The following IPO7 variants were observed in gnomAD, a reference collection of about 807,000 sequenced individuals.
IPO7 encodes the protein importin 7, also known as importin-7.
IPO7 carries 13 observed loss-of-function variants against 136.4 expected under a neutral mutation model. The observed-to-expected ratio is 0.10, with a 90% CI of 0.06 to 0.15. The LOEUF (loss-of-function observed/expected upper bound fraction) is 0.15, where lower values mean the gene tolerates loss of function less well. Ranked by LOEUF, IPO7 falls within the 10% of genes least tolerant of loss-of-function variation. The pLI is 1.00. For synonymous variants in IPO7, 403 were observed against 404.4 expected, an observed-to-expected ratio of 1.00 and a Z score of 0.04; for missense variants, 857 against 1,240.6, an observed-to-expected ratio of 0.69 and a Z score of 4.65.
At chr11:9,420,815 G>A (rs1185996771) in intron 8 of IPO7, 117 bp downstream of exon 8, 1 of 668,232 alleles carries the variant, frequency 1.5e-6, no homozygotes, top group Admixed American at 2.8e-5. Context: ...CCTGTACCAG[G>A]TCTCAAACAT....
chr11:9,433,014 G>GTTTTTTTTTTTTTTTTTTTT (rs1855320735), intron 16 of IPO7: 1 of 64,984 alleles, frequency 1.5e-5, no homozygotes, highest in African/African-American at 3.9e-5. Flanking sequence ...TTGAGATGGA[G>GTTTTTTTTTTTTTTTTTTTT]TTTTGGTCTT....
At position 9,445,889 on chromosome 11, in the gene IPO7, G is replaced by C. The variant is rs1005571017; in HGVS notation, c.*695G>C. 1 of 151,360 alleles carries C rather than the reference G, an allele frequency of 6.6e-6. No individual in the cohort carries two copies. The highest frequency in any genetic ancestry group is 2.4e-5 in the African/African-American group (1 of 41,116). 9.4% of individuals were successfully genotyped at this position (151,360 alleles called of 1,614,324 possible). On this transcript the variant is annotated 3_prime_UTR_variant, in exon 25 of 25. Coordinates refer to ENST00000379719, the MANE Select transcript of IPO7 (RefSeq NM_006391.3). ...AAAGATGTAATGGGGTGGGGGGCAG[G>C]GGTAATTTCAAGTTATTAATTTAAA...
intron 1 of IPO7, among the ~76,000 whole-genome samples, chr11:9,396,531 C>G (rs1439613259): frequency 3.3e-5 from 5 of 152,168 alleles, no homozygotes; most frequent in Admixed American, 3.3e-4. Flanking sequence ...TAAAACATTT[C>G]CATCACCCCA....
At chr11:9,400,643 C>G (rs1854780302) in intron 1 of IPO7, among the ~76,000 whole-genome samples, 1 of 151,680 alleles carries the variant, frequency 6.6e-6, no homozygotes, top group South Asian at 2.1e-4. Context: ...AGGATGGTCT[C>G]GATCTCCTGA....
rs750860600 is a variant in IPO7, at chr11:9,409,908, TG to T, written c.321-19del. Reference sequence around the variant, plus strand: ...TACCTAGTTAGGATTTTTTCCTTACTGTTTTTTTTTGGCTTCCAGGGTACAG... The same window carrying T: ...TACCTAGTTAGGATTTTTTCCTTACTTTTTTTTTTGGCTTCCAGGGTACAG... On this transcript the variant is annotated intron_variant, in intron 3 of 24. Transcript: ENST00000379719. 6 of 1,495,200 alleles carry T rather than the reference TG, an allele frequency of 4.0e-6. No homozygotes were observed. The African/African-American group carries it at 7.2e-5, about 18-fold the overall frequency. 92.6% of individuals were successfully genotyped at this position (1,495,200 alleles called of 1,614,324 possible).
rs960964139 is a variant in IPO7 at position 9,446,309 on chromosome 11, G to C, written c.*1115G>C. On this transcript the variant is annotated 3_prime_UTR_variant, in exon 25 of 25. Coordinates refer to ENST00000379719, the MANE Select transcript of IPO7 (RefSeq NM_006391.3). ...CCTGTTTTTAATCCTGTGCCTAGAA[G>C]GAGTACAAAATGCACACTTTACAAA... is the stretch of plus-strand genomic sequence containing the variant. The C allele has an allele frequency of 6.6e-6, 1 of 152,094 alleles. No individual in the cohort carries two copies. The highest frequency in any genetic ancestry group is 6.5e-5 in the Admixed American group (1 of 15,272). 9.4% of individuals were successfully genotyped at this position (152,094 alleles called of 1,614,324 possible).
Position 9,420,397 on chromosome 11 carries a change from G to C in IPO7, c.727-14G>C, listed in dbSNP as rs375408610. On this transcript the variant is annotated splice_polypyrimidine_tract_variant and intron_variant, in intron 6 of 24. Coordinates refer to ENST00000379719, the MANE Select transcript of IPO7 (RefSeq NM_006391.3). ...TTGTATTATCTCTATCATTAAATAA[G>C]TGTCTTTTTAAAGGAAACACTTCAA... The C allele has an allele frequency of 1.4e-5, 21 of 1,518,892 alleles. No individual in the cohort carries two copies. Among genetic ancestry groups the C allele is most frequent in the African/African-American group, 2.7e-5 (2 of 72,810 alleles). The allele number at this position is 1,518,892 out of a possible 1,614,324, so 94.1% of individuals were successfully genotyped here.
chr11:9,387,513 A>T (rs1347452350), intron 1 of IPO7, among the ~76,000 whole-genome samples: 1 of 152,146 alleles, frequency 6.6e-6, no homozygotes, highest in African/African-American at 2.4e-5. Context: ...CTGATTTGTC[A>T]TACATATTTG....
chr11:9,396,353 G>A (rs1308546694), intron 1 of IPO7, among the ~76,000 whole-genome samples: 5 of 152,126 alleles, frequency 3.3e-5, no homozygotes, highest in African/African-American at 7.2e-5. Context: ...CCGAGATTGC[G>A]CCACTGCACT....
intron 16 of IPO7, 61 bp downstream of exon 16, chr11:9,431,064 AAT>A: frequency 1.5e-6 from 2 of 1,363,898 alleles, no homozygotes; most frequent in Non-Finnish European, 2.1e-6. Flanking sequence ...AGAGGGCTCT[AAT>A]ATCTCTCTGG....
intron 9 of IPO7, 71 bp downstream of exon 9, chr11:9,423,211 A>C: frequency 9.7e-7 from 1 of 1,033,620 alleles, no homozygotes; most frequent in East Asian, 2.6e-5. Context: ...ATAAAGGTTG[A>C]AAAATTGCAT....
In IPO7 at chr11:9,410,023, C is replaced by G; in HGVS notation, c.416C>G (p.Ser139Cys). The stretch of plus-strand genomic sequence containing the variant: ...GACAAAATTGGCTTTTATCTTCAGT[C>G]CGATAACAGTGCTTGTTGGCTAGGA... ...IVDKIGFYLQ[S>C]DNSACWLGIL... Residue 139 changes from serine (S) to cysteine (C), a missense_variant, in exon 4 of 25, where the codon TCC becomes TGC. Transcript: ENST00000379719. 1 of 1,605,544 alleles carries G rather than the reference C, an allele frequency of 6.2e-7. No individual in the cohort carries two copies. The highest frequency in any genetic ancestry group is 1.7e-5 in the Admixed American group (1 of 58,456).
At position 9,429,660 on chromosome 11, in the gene IPO7, T is replaced by C. The variant is rs1408801616; in HGVS notation, c.1592-14T>C. ...TAGGGGTTTTACGCAAGTTTTTTAC[T>C]CTTTCTCTTACAGCTAAAGAATATA... is the stretch of plus-strand genomic sequence containing the variant. On this transcript the variant is annotated splice_polypyrimidine_tract_variant and intron_variant, in intron 14 of 24. Coordinates refer to ENST00000379719, the MANE Select transcript of IPO7 (RefSeq NM_006391.3). 1 of 1,593,250 alleles carries C rather than the reference T, an allele frequency of 6.3e-7. No individual in the cohort carries two copies. Among genetic ancestry groups the C allele is most frequent in the Non-Finnish European group, 8.5e-7 (1 of 1,174,764 alleles).
intron 1 of IPO7, among the ~76,000 whole-genome samples, chr11:9,388,001 G>A (rs1194168518): frequency 6.7e-6 from 1 of 148,766 alleles, no homozygotes; most frequent in East Asian, 2.0e-4. Flanking sequence ...TACAAAATTA[G>A]CTGGGCGTGG....
At chr11:9,387,929 C>T (rs1012243116) in intron 1 of IPO7, among the ~76,000 whole-genome samples, 7 of 150,768 alleles carry the variant, frequency 4.6e-5, no homozygotes, top group Admixed American at 3.3e-4. Flanking sequence ...GGGCGGATCA[C>T]CTGAGGTTGG....
intron 24 of IPO7, among the ~76,000 whole-genome samples, chr11:9,444,284 A>AACAAAT (rs1554956923): frequency 3.2e-5 from 3 of 92,888 alleles, no homozygotes; most frequent in Non-Finnish European, 7.2e-5. Flanking sequence ...TCTCTAAAAA[A>AACAAAT]AAAAATAAAC....
intron 1 of IPO7, among the ~76,000 whole-genome samples, chr11:9,399,503 G>A (rs1854763612): frequency 1.3e-5 from 2 of 152,144 alleles, no homozygotes; most frequent in African/African-American, 4.8e-5. Context: ...GACAGGACTT[G>A]ATATATTAAA....
intron 1 of IPO7, among the ~76,000 whole-genome samples, chr11:9,395,093 A>G (rs1407327694): frequency 6.6e-6 from 1 of 152,162 alleles, no homozygotes; most frequent in African/African-American, 2.4e-5. Context: ...ATTTTGACTC[A>G]TATAAAAAAT....
intron 9 of IPO7, 59 bp downstream of exon 9, chr11:9,423,199 C>A: frequency 1.7e-6 from 2 of 1,165,494 alleles, no homozygotes; most frequent in African/African-American, 1.6e-5. Context: ...ACATCAATTG[C>A]CATAAAGGTT....
Sources: gnomAD v4.1 joint callset for allele counts (sites outside exome capture counted in the v4.1 genomes callset) on GRCh38, gnomAD v4.1.1 for gene constraint, MANE v1.5 for transcripts, NCBI Gene and HGNC (gene_info 2026-07-23, HGNC 2026-07-21) for gene names.